The following EPHB1 variants were observed in gnomAD, a reference collection of about 807,000 sequenced individuals.
The protein encoded by EPHB1 is ephrin type-B receptor 1.
In EPHB1, 30 loss-of-function variants were observed where a neutral mutation model predicts 94.4. The ratio of observed to expected loss-of-function variants is 0.32; its 90% CI spans 0.24 to 0.43. EPHB1 has a LOEUF of 0.43. Among genes scored for constraint, EPHB1 ranks in the 20% least tolerant of loss-of-function variants. The probability of loss-of-function intolerance (pLI) is 1.00; values close to 1 mark genes in which losing one functional copy is unlikely to be tolerated. For missense variants in EPHB1, 1,055 were observed against 1,308.3 expected, an observed-to-expected ratio of 0.81 and a Z score of 2.99; for synonymous variants, 522 against 489.1, an observed-to-expected ratio of 1.07 and a Z score of -0.89.
intron 3 of EPHB1, among the ~76,000 whole-genome samples, chr3:134,977,628 CT>C (rs1375677654): frequency 2.0e-4 from 31 of 152,128 alleles, no homozygotes; most frequent in Non-Finnish European, 1.5e-5. Flanking sequence ...GGTGAAGTAC[CT>C]GCTTTGGTTT....
chr3:135,150,081 T>C (rs887078502), intron 5 of EPHB1, among the ~76,000 whole-genome samples: 3 of 152,156 alleles, frequency 2.0e-5, no homozygotes, highest in Non-Finnish European at 4.4e-5. Flanking sequence ...TTGGCAAATA[T>C]CTTGAGTTTT....
chr3:134,912,845 G>A (rs541381224), intron 1 of EPHB1, among the ~76,000 whole-genome samples: 2 of 152,306 alleles, frequency 1.3e-5, no homozygotes, highest in African/African-American at 2.4e-5. Context: ...TTTCTTCTTG[G>A]TTATCTGGCT....
chr3:134,881,438 A>G (rs1458245599), intron 1 of EPHB1, among the ~76,000 whole-genome samples: 14 of 152,148 alleles, frequency 9.2e-5, no homozygotes, highest in Admixed American at 9.2e-4. Context: ...GACTTGAGCG[A>G]AGGTGCCTTA....
At chr3:134,987,761 ACT>A (rs1206183097) in intron 3 of EPHB1, among the ~76,000 whole-genome samples, 1 of 145,290 alleles carries the variant, frequency 6.9e-6, no homozygotes, top group Admixed American at 6.7e-5. Context: ...ACAGTGCAAG[ACT>A]CTGTCTTGAA....
chr3:135,036,299 A>G (rs1936646090), intron 3 of EPHB1, among the ~76,000 whole-genome samples: 1 of 152,210 alleles, frequency 6.6e-6, no homozygotes, highest in Non-Finnish European at 1.5e-5. Flanking sequence ...GGCCAGTGCA[A>G]CCAAGCAGCT....
chr3:134,907,426 A>T (rs1024036603), intron 1 of EPHB1, among the ~76,000 whole-genome samples: 1 of 152,212 alleles, frequency 6.6e-6, no homozygotes, highest in Admixed American at 6.5e-5. Context: ...ACATAAAGAA[A>T]ACACAGCTCA....
rs185419040 is a variant in EPHB1 at position 135,039,776 on chromosome 3, G to A, written c.806-66672G>A. Among the ~76,000 whole-genome samples the A allele has an allele frequency of 1.3e-4, 20 of 152,320 alleles. No homozygotes were observed. In the East Asian group the frequency reaches 2.5e-3, roughly 19 times the overall value. The stretch of plus-strand genomic sequence containing the variant: ...CCGGAACTCAAGCTGGCCCGCAAGC[G>A]CCGCACGCAGCCCCGGTTCCCGCTC... On this transcript the variant is annotated intron_variant, in intron 3 of 15. Transcript: ENST00000398015.
intron 1 of EPHB1, among the ~76,000 whole-genome samples, chr3:134,829,082 A>G: frequency 6.6e-6 from 1 of 152,250 alleles, no homozygotes. Flanking sequence ...TGTTTCTCAG[A>G]CATGATTTGA....
intron 10 of EPHB1, among the ~76,000 whole-genome samples, chr3:135,185,352 G>A (rs957756796): frequency 1.3e-4 from 20 of 152,158 alleles, no homozygotes; most frequent in South Asian, 2.1e-4. Context: ...ACAGCATGAG[G>A]GTAGCTCCAC....
At chr3:134,916,358 C>G (rs1052199151) in intron 1 of EPHB1, among the ~76,000 whole-genome samples, 4 of 152,256 alleles carry the variant, frequency 2.6e-5, no homozygotes, top group African/African-American at 9.6e-5. Context: ...TGTGCCTGCA[C>G]TCCTCAGCCC....
chr3:134,832,313 G>A (rs1241745392), intron 1 of EPHB1, among the ~76,000 whole-genome samples: 1 of 152,214 alleles, frequency 6.6e-6, no homozygotes, highest in African/African-American at 2.4e-5. Flanking sequence ...ATTTGTGAGT[G>A]TAACCAAAAG....
intron 11 of EPHB1, among the ~76,000 whole-genome samples, chr3:135,196,111 T>C (rs541162153): frequency 6.6e-6 from 1 of 151,238 alleles, no homozygotes; most frequent in East Asian, 1.9e-4. Flanking sequence ...TTTCATGTGT[T>C]TTTTGGCTGC....
intron 1 of EPHB1, among the ~76,000 whole-genome samples, chr3:134,911,485 T>C (rs2038453405): frequency 6.6e-6 from 1 of 152,012 alleles, no homozygotes; most frequent in Non-Finnish European, 1.5e-5. Flanking sequence ...CAGGGTATGA[T>C]GTGGTCAGCT....
intron 9 of EPHB1, among the ~76,000 whole-genome samples, chr3:135,179,249 C>A (rs1942081064): frequency 6.6e-6 from 1 of 152,104 alleles, no homozygotes; most frequent in Non-Finnish European, 1.5e-5. Context: ...CTCATTTTTT[C>A]TATGTAGACT....
At chr3:134,928,129 C>A (rs1211308662) in intron 2 of EPHB1, among the ~76,000 whole-genome samples, 6 of 152,238 alleles carry the variant, frequency 3.9e-5, no homozygotes, top group African/African-American at 1.2e-4. Flanking sequence ...CCAAGCAGAT[C>A]TCACCCCTTT....
At chr3:134,966,392 T>C (rs1933747541) in intron 3 of EPHB1, among the ~76,000 whole-genome samples, 1 of 152,188 alleles carries the variant, frequency 6.6e-6, no homozygotes, top group African/African-American at 2.4e-5. Context: ...GGGCTTTGTC[T>C]TAACCTCCTA....
chr3:134,909,801 C>A (rs1008304456), intron 1 of EPHB1, among the ~76,000 whole-genome samples: 3 of 152,210 alleles, frequency 2.0e-5, no homozygotes, highest in Non-Finnish European at 4.4e-5. Flanking sequence ...ACAAATGACT[C>A]TTTCCTTGAG....
intron 12 of EPHB1, among the ~76,000 whole-genome samples, chr3:135,208,290 C>CGTGTGTGTGTGTGTGT (rs55947191): frequency 7.0e-6 from 1 of 142,684 alleles, no homozygotes; most frequent in East Asian, 2.0e-4. Context: ...CCTTTCATGA[C>CGTGTGTGTGTGTGTGT]GTGTGTGTGT....
intron 11 of EPHB1, among the ~76,000 whole-genome samples, chr3:135,193,757 A>G (rs1371195420): frequency 6.6e-6 from 1 of 152,240 alleles, no homozygotes; most frequent in Non-Finnish European, 1.5e-5. Context: ...TGCTCTGGCC[A>G]GGCCCTATTC....
Sources: allele counts gnomAD v4.1 joint callset (sites outside exome capture counted in the v4.1 genomes callset), GRCh38; gene constraint gnomAD v4.1.1; transcripts MANE v1.5; gene names NCBI Gene and HGNC (gene_info 2026-07-23, HGNC 2026-07-21).